The following CAST variants were observed in gnomAD, a reference collection of about 807,000 sequenced individuals.
CAST encodes MIR583 host.
A neutral mutation model predicts 119.6 loss-of-function variants in CAST; 76 were observed. The ratio of observed to expected loss-of-function variants is 0.64; its 90% confidence interval spans 0.53 to 0.77. The LOEUF (loss-of-function observed/expected upper bound fraction) is 0.77. Ranked by LOEUF, CAST falls within the 30% of genes least tolerant of loss-of-function variation. CAST has a pLI of 0.00. For synonymous variants in CAST, 319 were observed against 331.6 expected (o/e 0.96, Z 0.41); for missense variants, 953 against 946.5 (o/e 1.01, Z -0.09).
the CAST span, among the ~76,000 whole-genome samples, chr5:96,393,811 C>T: frequency 6.6e-6 from 1 of 152,192 alleles, no homozygotes; most frequent in Admixed American, 6.5e-5. Context: ...TTCCTGGAGG[C>T]ACTGGCTTTC....
chr5:96,480,196 T>C, the CAST span, among the ~76,000 whole-genome samples: 1 of 152,118 alleles, frequency 6.6e-6, no homozygotes, highest in African/African-American at 2.4e-5. Flanking sequence ...ATAAGGCAGG[T>C]TGGAACAATT....
the CAST span, among the ~76,000 whole-genome samples, chr5:96,313,093 T>A: frequency 3.3e-5 from 5 of 152,224 alleles, no homozygotes; most frequent in East Asian, 9.6e-4. Context: ...TCAAAAGCCT[T>A]CAGTAGTGAA....
chr5:96,640,384 G>C (rs1747935550), intron 1 of CAST, among the ~76,000 whole-genome samples: 1 of 152,200 alleles, frequency 6.6e-6, no homozygotes, highest in African/African-American at 2.4e-5. Flanking sequence ...TGCACTGCTA[G>C]CAAGCAAGAA....
At chr5:96,649,578 C>T (rs6556937) in intron 1 of CAST, among the ~76,000 whole-genome samples, 29,599 of 152,084 alleles carry the variant, frequency 0.19, 3,400 homozygotes, top group East Asian at 0.32. Context: ...ACCTTGGTTT[C>T]CCCATTGATC....
the CAST span, among the ~76,000 whole-genome samples, chr5:96,149,112 GC>G: frequency 2.0e-5 from 3 of 152,294 alleles, no homozygotes; most frequent in East Asian, 5.8e-4. Flanking sequence ...CTTTGACTTG[GC>G]GTATGGAGTC....
chr5:95,977,471 T>C, the CAST span, among the ~76,000 whole-genome samples: 25 of 152,268 alleles, frequency 1.6e-4, 1 homozygote. Flanking sequence ...ACTGTGCTTA[T>C]GCTTCCTGTC....
At chr5:96,105,302 C>T in the CAST span, among the ~76,000 whole-genome samples, 1 of 152,184 alleles carries the variant, frequency 6.6e-6, no homozygotes, top group Non-Finnish European at 1.5e-5. Context: ...GAGGTCATCC[C>T]TGTCTTTTGC....
chr5:96,403,964 G>A, the CAST span, among the ~76,000 whole-genome samples: 15 of 152,026 alleles, frequency 9.9e-5, no homozygotes, highest in Non-Finnish European at 4.4e-5. Context: ...GGATTCAATG[G>A]TTCACTTCAG....
chr5:96,557,949 T>C (rs1746277520), intron 1 of CAST, among the ~76,000 whole-genome samples: 1 of 152,182 alleles, frequency 6.6e-6, no homozygotes, highest in African/African-American at 2.4e-5. Context: ...GACCACATAG[T>C]TGGAAGTAAA....
chr5:96,466,184 A>G, the CAST span, among the ~76,000 whole-genome samples: 1 of 152,112 alleles, frequency 6.6e-6, no homozygotes, highest in Admixed American at 6.6e-5. Flanking sequence ...TTTTGTCCTT[A>G]GCCTTAGAGT....
At chr5:96,587,801 T>C (rs1580836223) in intron 1 of CAST, among the ~76,000 whole-genome samples, 1 of 152,346 alleles carries the variant, frequency 6.6e-6, no homozygotes, top group East Asian at 1.9e-4. Flanking sequence ...TAGTATTCTT[T>C]ATTTTTGTTC....
chr5:96,295,217 T>G, the CAST span, among the ~76,000 whole-genome samples: 1 of 152,236 alleles, frequency 6.6e-6, no homozygotes, highest in East Asian at 1.9e-4. Context: ...ATCTCTCTTT[T>G]GAATCGAATG....
chr5:96,271,574 A>G, the CAST span, among the ~76,000 whole-genome samples: 1 of 152,068 alleles, frequency 6.6e-6, no homozygotes, highest in African/African-American at 2.4e-5. Flanking sequence ...CTAGATCTCT[A>G]TCTCTCACGA....
the CAST span, among the ~76,000 whole-genome samples, chr5:96,344,822 A>G: frequency 6.6e-6 from 1 of 152,316 alleles, no homozygotes; most frequent in South Asian, 2.1e-4. Flanking sequence ...CCCAGGCTGA[A>G]TTATATTTCA....
At chr5:96,038,445 A>G in the CAST span, among the ~76,000 whole-genome samples, 2 of 152,036 alleles carry the variant, frequency 1.3e-5, no homozygotes, top group African/African-American at 4.8e-5. Context: ...ATAGGTATAC[A>G]CGTGCCATGG....
the CAST span, among the ~76,000 whole-genome samples, chr5:96,222,708 C>A: frequency 4.7e-4 from 72 of 152,106 alleles, no homozygotes; most frequent in African/African-American, 1.7e-3. Context: ...ACAGAGATTT[C>A]TCAAACTAAA....
the CAST span, among the ~76,000 whole-genome samples, chr5:96,275,841 C>T: frequency 3.3e-5 from 5 of 152,128 alleles, no homozygotes; most frequent in African/African-American, 7.2e-5. Context: ...ATAGAGCCTC[C>T]GCCTTAATTG....
chr5:96,298,229 C>T, the CAST span, among the ~76,000 whole-genome samples: 1 of 152,206 alleles, frequency 6.6e-6, no homozygotes, highest in Non-Finnish European at 1.5e-5. Context: ...TGTAAACAAT[C>T]CAGAGGCCTG....
chr5:96,593,033 G>A lies in CAST; in HGVS notation c.60+63153G>A, dbSNP rs150239987. ...GCCCGCCTCGGCCTCCCAAAGTCCTGGGATTACAGGCGTGAGCCACTGTGC... is the reference window on the plus strand; with the variant it reads ...GCCCGCCTCGGCCTCCCAAAGTCCTAGGATTACAGGCGTGAGCCACTGTGC... On this transcript the variant is annotated intron_variant, in intron 1 of 11. Coordinates refer to the CAST transcript ENST00000505143. 3.4e-3 allele frequency among the ~76,000 whole-genome samples: 513 copies of A among 152,310 alleles called. 3 individuals are homozygous for A. Among genetic ancestry groups the A allele is most frequent in the Middle Eastern group, 0.01 (3 of 294 alleles).
Sources: gnomAD v4.1 joint callset for allele counts (sites outside exome capture counted in the v4.1 genomes callset) on GRCh38, gnomAD v4.1.1 for gene constraint, MANE v1.5 for transcripts, NCBI Gene and HGNC (gene_info 2026-07-23, HGNC 2026-07-21) for gene names.